PDE8B: variants seen among roughly 807,000 people sequenced by gnomAD.
The protein encoded by PDE8B is high affinity cAMP-specific and IBMX-insensitive 3',5'-cyclic phosphodiesterase 8B.
Under a neutral mutation model 101.3 loss-of-function variants are expected in PDE8B, and 26 were observed. The ratio of observed to expected loss-of-function variants is 0.26; its 90% confidence interval spans 0.19 to 0.36. The LOEUF (loss-of-function observed/expected upper bound fraction) is 0.36, where lower values mean the gene tolerates loss of function less well. PDE8B is among the 10% of genes least tolerant of loss of function. PDE8B has a pLI of 1.00. For missense variants in PDE8B, 810 were observed against 1,163.1 expected, an observed-to-expected ratio of 0.70 and a Z score of 4.42; for synonymous variants, 424 against 429.3, an observed-to-expected ratio of 0.99 and a Z score of 0.15.
chr5:77,190,469 T>C, the PDE8B span, among the ~76,000 whole-genome samples: 1 of 152,242 alleles, frequency 6.6e-6, no homozygotes, highest in African/African-American at 2.4e-5. Flanking sequence ...GTTGCAGAAT[T>C]TATTTGATAA....
chr5:77,287,917 C>T (rs977427361), intron 1 of PDE8B, among the ~76,000 whole-genome samples: 5 of 152,150 alleles, frequency 3.3e-5, no homozygotes, highest in African/African-American at 9.7e-5. Flanking sequence ...GGATCTTCCA[C>T]GTGTCTGTTT....
At chr5:77,424,838 T>TTAA (rs1457443800) in intron 20 of PDE8B, among the ~76,000 whole-genome samples, 1 of 151,462 alleles carries the variant, frequency 6.6e-6, no homozygotes, top group African/African-American at 2.4e-5. Context: ...TTTTTGTTTT[T>TTAA]AATGTGAGAC....
intron 2 of PDE8B, among the ~76,000 whole-genome samples, chr5:77,319,488 G>A (rs1774557643): frequency 6.6e-6 from 1 of 152,202 alleles, no homozygotes; most frequent in Non-Finnish European, 1.5e-5. Context: ...GAGGGAATGA[G>A]CTAACAAAGA....
the PDE8B span, among the ~76,000 whole-genome samples, chr5:77,149,065 A>C: frequency 6.6e-6 from 1 of 152,202 alleles, no homozygotes; most frequent in Non-Finnish European, 1.5e-5. Flanking sequence ...GAAGGGCCTA[A>C]GTTCATATTC....
intron 10 of PDE8B, among the ~76,000 whole-genome samples, chr5:77,358,636 T>C (rs1237851474): frequency 6.6e-6 from 1 of 152,240 alleles, no homozygotes; most frequent in Non-Finnish European, 1.5e-5. Context: ...TCTTATTCCA[T>C]GTAGAGTTGA....
At chr5:77,358,563 TTAACACAA>T (rs1782535403) in intron 10 of PDE8B, 1 of 334,476 alleles carries the variant, frequency 3.0e-6, no homozygotes, top group Non-Finnish European at 4.3e-6. Flanking sequence ...TTTTTACTCC[TTAACACAA>T]TAACCTTTGG....
At chr5:77,159,180 G>T in the PDE8B span, among the ~76,000 whole-genome samples, 1 of 152,210 alleles carries the variant, frequency 6.6e-6, no homozygotes, top group Non-Finnish European at 1.5e-5. Context: ...TAGCGATTGA[G>T]CCAAGCCTGG....
the PDE8B span, among the ~76,000 whole-genome samples, chr5:77,202,933 A>T: frequency 6.6e-6 from 1 of 152,232 alleles, no homozygotes; most frequent in Non-Finnish European, 1.5e-5. Context: ...CAAAAGTAAC[A>T]TGTGGATTTT....
At position 77,211,956 on chromosome 5, in the gene PDE8B, A is replaced by C. The variant is rs1374947147; in HGVS notation, c.339+692A>C. On this transcript the variant is annotated intron_variant, in intron 1 of 21. Coordinates refer to ENST00000264917, the MANE Select transcript of PDE8B (RefSeq NM_003719.5). This position sits in a 1 kb window ranked among gnomAD's most constrained non-coding sequence, Gnocchi z 4.1. ...CGTGAGGGGACGTGGTTTCCAGTGC[A>C]GTACAGCTGTCTGAGGATGATTCTG... Among the ~76,000 whole-genome samples the C allele has an allele frequency of 6.6e-6, 1 of 152,210 alleles. No individual in the cohort carries two copies. Among genetic ancestry groups the C allele is most frequent in the Non-Finnish European group, 1.5e-5 (1 of 68,038 alleles).
intron 7 of PDE8B, 105 bp downstream of exon 7, chr5:77,345,036 A>G (rs1779900115): frequency 2.6e-5 from 20 of 781,616 alleles, no homozygotes; most frequent in Middle Eastern, 2.2e-4. Context: ...GTATCAGCAC[A>G]TTTTCTTAGG....
intron 1 of PDE8B, among the ~76,000 whole-genome samples, chr5:77,214,320 CTT>C (rs1461386064): frequency 6.6e-6 from 1 of 152,222 alleles, no homozygotes; most frequent in African/African-American, 2.4e-5. Context: ...TAGGTTCACT[CTT>C]TTGTGGATCA....
the PDE8B span, among the ~76,000 whole-genome samples, chr5:77,193,308 C>T: frequency 6.6e-5 from 10 of 152,196 alleles, no homozygotes; most frequent in South Asian, 4.1e-4. Flanking sequence ...TTAAATTCTA[C>T]GATCCATTTC....
At chr5:77,298,570 G>A (rs1278791405) in intron 1 of PDE8B, among the ~76,000 whole-genome samples, 1 of 152,208 alleles carries the variant, frequency 6.6e-6, no homozygotes, top group Non-Finnish European at 1.5e-5. Context: ...TCTAATGAGA[G>A]TATAAAGTTG....
intron 1 of PDE8B, among the ~76,000 whole-genome samples, chr5:77,231,539 A>G (rs1753562168): frequency 6.6e-6 from 1 of 152,344 alleles, no homozygotes; most frequent in African/African-American, 2.4e-5. Context: ...AGGAACGATG[A>G]TAATGGTAAC....
chr5:77,351,473 T>C (rs1781109912), intron 9 of PDE8B, among the ~76,000 whole-genome samples: 1 of 152,202 alleles, frequency 6.6e-6, no homozygotes, highest in South Asian at 2.1e-4. Flanking sequence ...GCTGGTGCTC[T>C]CTGGCCTCTG....
chr5:77,299,241 T>C (rs1769315027), intron 1 of PDE8B, among the ~76,000 whole-genome samples: 1 of 134,110 alleles, frequency 7.5e-6, no homozygotes, highest in Non-Finnish European at 1.6e-5. Context: ...GAGAGTTGTT[T>C]TTTTGTTTGT....
chr5:77,211,574 T>C lies in PDE8B; in HGVS notation c.339+310T>C, dbSNP rs1442372425. Among the ~76,000 whole-genome samples the C allele has an allele frequency of 8.5e-5, 13 of 152,062 alleles. No homozygotes were observed. Among genetic ancestry groups the C allele is most frequent in the Admixed American group, 8.5e-4 (13 of 15,278 alleles). ...TGAGGGCAGGAAGGCTGTGGCTTGG[T>C]TTATGCAGGAAGAGGGGTGGGGACC... On this transcript the variant is annotated intron_variant, in intron 1 of 21. Coordinates refer to ENST00000264917, the MANE Select transcript of PDE8B (RefSeq NM_003719.5). This position sits in a 1 kb window ranked among gnomAD's most constrained non-coding sequence, Gnocchi z 4.1.
chr5:77,392,246 C>T (rs1260287374), intron 10 of PDE8B, among the ~76,000 whole-genome samples: 1 of 152,160 alleles, frequency 6.6e-6, no homozygotes, highest in Non-Finnish European at 1.5e-5. Context: ...ATCTGTCATA[C>T]AGGGTGTTCT....
chr5:77,170,056 T>C, the PDE8B span, among the ~76,000 whole-genome samples: 1 of 152,210 alleles, frequency 6.6e-6, no homozygotes, highest in Non-Finnish European at 1.5e-5. Flanking sequence ...AGGTTACCCC[T>C]GAGACCTGAA....
Sources: gnomAD v4.1 joint callset for allele counts (sites outside exome capture counted in the v4.1 genomes callset) on GRCh38, gnomAD v4.1.1 for gene constraint, Gnocchi (gnomAD v3.1) non-coding constraint, MANE v1.5 for transcripts, NCBI Gene and HGNC (gene_info 2026-07-23, HGNC 2026-07-21) for gene names.